Variants in ETV6 observed in about 807,000 individuals in gnomAD.
ETV6 encodes ETS variant transcription factor 6.
Under a neutral mutation model 51.1 loss-of-function variants are expected in ETV6, and 16 were observed. The observed-to-expected ratio is 0.31, with a 90% CI of 0.21 to 0.48. The LOEUF (loss-of-function observed/expected upper bound fraction) is 0.48. Among genes scored for constraint, ETV6 ranks in the 20% least tolerant of loss-of-function variants. The pLI, the probability that ETV6 is intolerant of heterozygous loss-of-function variation, is 0.99. For synonymous variants in ETV6, 240 were observed against 224.1 expected (o/e 1.07, Z -0.64); for missense variants, 458 against 594.8 (o/e 0.77, Z 2.39).
intron 1 of ETV6, among the ~76,000 whole-genome samples, chr12:11,717,455 C>T (rs1405650153): frequency 6.6e-6 from 1 of 152,130 alleles, no homozygotes; most frequent in Non-Finnish European, 1.5e-5. Flanking sequence ...ATGGAATATT[C>T]ATTTATCCTA....
intron 1 of ETV6, among the ~76,000 whole-genome samples, chr12:11,668,326 C>T (rs1180490205): frequency 6.6e-6 from 1 of 151,968 alleles, no homozygotes; most frequent in Non-Finnish European, 1.5e-5. Context: ...CCTTCCTCCA[C>T]CCAGCAAAAG....
intron 1 of ETV6, among the ~76,000 whole-genome samples, chr12:11,679,810 A>G (rs557539503): frequency 6.6e-6 from 1 of 152,324 alleles, no homozygotes; most frequent in African/African-American, 2.4e-5. Context: ...TCTTGACTCC[A>G]TGAGCCATCT....
intron 1 of ETV6, among the ~76,000 whole-genome samples, chr12:11,708,217 A>G (rs569222806): frequency 1.2e-4 from 18 of 151,858 alleles, no homozygotes; most frequent in Non-Finnish European, 2.5e-4. Context: ...TTCATGGGAC[A>G]GATGGGAGCA....
intron 2 of ETV6, among the ~76,000 whole-genome samples, chr12:11,830,623 G>T (rs1432278252): frequency 6.6e-6 from 1 of 152,212 alleles, no homozygotes; most frequent in East Asian, 1.9e-4. Flanking sequence ...ATCACAGACT[G>T]CAGAGCTGGC....
At chr12:11,770,374 G>A (rs1225622767) in intron 2 of ETV6, among the ~76,000 whole-genome samples, 1 of 151,764 alleles carries the variant, frequency 6.6e-6, no homozygotes, top group Non-Finnish European at 1.5e-5. Context: ...CTTACCTCAC[G>A]CTTACTAGAT....
chr12:11,709,336 T>C (rs1865131603), intron 1 of ETV6, among the ~76,000 whole-genome samples: 1 of 152,200 alleles, frequency 6.6e-6, no homozygotes, highest in Admixed American at 6.5e-5. Flanking sequence ...TTTGATCTTT[T>C]CTTCTCTCCT....
At chr12:11,677,239 G>A (rs536167441) in intron 1 of ETV6, among the ~76,000 whole-genome samples, 141 of 152,190 alleles carry the variant, frequency 9.3e-4, no homozygotes, top group African/African-American at 3.3e-3. Context: ...AAGATAGATG[G>A]GTCTGGCTTT....
At chr12:11,783,879 GAAGCC>G (rs1382662574) in intron 2 of ETV6, among the ~76,000 whole-genome samples, 2 of 152,126 alleles carry the variant, frequency 1.3e-5, no homozygotes, top group African/African-American at 4.8e-5. Context: ...TTTTGCCTGA[GAAGCC>G]AAAGATACAG....
intron 2 of ETV6, among the ~76,000 whole-genome samples, chr12:11,777,674 C>T (rs1411078109): frequency 6.6e-6 from 1 of 152,224 alleles, no homozygotes; most frequent in East Asian, 1.9e-4. Context: ...TTTCCCATTT[C>T]CCATGCTGAT....
intron 2 of ETV6, among the ~76,000 whole-genome samples, chr12:11,756,443 A>G (rs962771056): frequency 2.0e-5 from 3 of 152,172 alleles, no homozygotes; most frequent in Admixed American, 1.3e-4. Flanking sequence ...GCTTGAGGGT[A>G]GAAGAGCCGA....
At chr12:11,748,952 T>G (rs772915324) in intron 1 of ETV6, among the ~76,000 whole-genome samples, 20 of 152,134 alleles carry the variant, frequency 1.3e-4, no homozygotes, top group Non-Finnish European at 2.5e-4. Context: ...CTACAACAGT[T>G]TTCTGCCTTA....
At chr12:11,728,703 C>T (rs1865537786) in intron 1 of ETV6, among the ~76,000 whole-genome samples, 1 of 152,064 alleles carries the variant, frequency 6.6e-6, no homozygotes, top group Non-Finnish European at 1.5e-5. Context: ...AGGAAATCTA[C>T]CTAGAAATCC....
At chr12:11,758,447 T>C (rs969466886) in intron 2 of ETV6, among the ~76,000 whole-genome samples, 7 of 152,176 alleles carry the variant, frequency 4.6e-5, no homozygotes, top group Admixed American at 1.3e-4. Context: ...AGAAAGGACC[T>C]AGGGTTCTGT....
At chr12:11,652,969 A>G (rs1222254090) in intron 1 of ETV6, among the ~76,000 whole-genome samples, 4 of 152,134 alleles carry the variant, frequency 2.6e-5, no homozygotes, top group Non-Finnish European at 5.9e-5. Context: ...GACTACTCCA[A>G]GGGCACTGAA....
chr12:11,848,611 C>T lies in ETV6; in HGVS notation c.329-4816C>T, dbSNP rs1236217148. ...AAACTGTGTTTTGTTTCTGTGTGTG[C>T]GTGTGTGTGCGCACGCGCGTGTGCA... On this transcript the variant is annotated intron_variant, in intron 3 of 7. Coordinates refer to ENST00000396373, the MANE Select transcript of ETV6 (RefSeq NM_001987.5). Among the ~76,000 whole-genome samples the T allele has an allele frequency of 7.9e-5, 12 of 152,286 alleles. No homozygotes were observed. The East Asian group carries it at 1.2e-3, about 15-fold the overall frequency.
intron 2 of ETV6, among the ~76,000 whole-genome samples, chr12:11,774,023 A>ACT (rs1465673971): frequency 1.3e-5 from 2 of 152,094 alleles, no homozygotes; most frequent in Admixed American, 1.3e-4. Flanking sequence ...CCATCACACA[A>ACT]CTGAGGGCGG....
chr12:11,770,226 T>A (rs1250004105), intron 2 of ETV6, among the ~76,000 whole-genome samples: 1 of 152,036 alleles, frequency 6.6e-6, no homozygotes, highest in African/African-American at 2.4e-5. Flanking sequence ...CCATCAGGCC[T>A]TGCTTTGGAT....
At chr12:11,847,652 C>T (rs918016138) in intron 3 of ETV6, among the ~76,000 whole-genome samples, 1 of 152,084 alleles carries the variant, frequency 6.6e-6, no homozygotes, top group African/African-American at 2.4e-5. Flanking sequence ...CCAACCATTG[C>T]CCTTTGGATT....
intron 2 of ETV6, among the ~76,000 whole-genome samples, chr12:11,829,643 G>C (rs1769364755): frequency 6.6e-6 from 1 of 152,146 alleles, no homozygotes; most frequent in Non-Finnish European, 1.5e-5. Flanking sequence ...CCCGTTTGTA[G>C]CTAAAACTAG....
Sources: gnomAD v4.1 joint callset for allele counts (sites outside exome capture counted in the v4.1 genomes callset) on GRCh38, gnomAD v4.1.1 for gene constraint, MANE v1.5 for transcripts, NCBI Gene and HGNC (gene_info 2026-07-23, HGNC 2026-07-21) for gene names.